TTC27: variants seen among roughly 807,000 people sequenced by gnomAD.
The protein encoded by TTC27 is tetratricopeptide repeat domain 27.
TTC27 carries 79 observed loss-of-function variants against 115.9 expected under a neutral mutation model. The ratio of observed to expected loss-of-function variants is 0.68; its 90% CI spans 0.57 to 0.82. TTC27 has a LOEUF of 0.82. TTC27 is among the 40% of genes least tolerant of loss of function. TTC27 has a pLI of 0.00. For synonymous variants in TTC27, 401 were observed against 356.0 expected (o/e 1.13, Z -1.42); for missense variants, 1,054 against 993.1 (o/e 1.06, Z -0.82).
intron 13 of TTC27, among the ~76,000 whole-genome samples, chr2:32,769,367 A>C (rs1411104928): frequency 6.6e-6 from 1 of 152,252 alleles, no homozygotes; most frequent in Admixed American, 6.5e-5. Flanking sequence ...GATGACATTC[A>C]AAAACAGATT....
intron 16 of TTC27, among the ~76,000 whole-genome samples, chr2:32,790,373 A>C (rs1670495299): frequency 6.6e-6 from 1 of 152,078 alleles, no homozygotes; most frequent in Non-Finnish European, 1.5e-5. Flanking sequence ...TTGTAATTGA[A>C]GAATGAGTAG....
chr2:32,738,743 G>A (rs1188482490), intron 12 of TTC27, among the ~76,000 whole-genome samples: 2 of 152,184 alleles, frequency 1.3e-5, no homozygotes, highest in African/African-American at 4.8e-5. Flanking sequence ...TAGTATTACT[G>A]AAATAAACAT....
In TTC27 at chr2:32,640,280, T is replaced by TG. The variant is rs1319092234; in HGVS notation, c.409dup (p.Asp137GlyfsTer13). The TG allele has an allele frequency of 6.2e-7, 1 of 1,613,688 alleles. No homozygotes were observed. The highest frequency in any genetic ancestry group is 2.2e-5 in the East Asian group (1 of 44,872). ...TAATCCTTTTTTCAGGTTAAAGGAC[T>TG]GGATGCATTTGTTCTGAGCCTGCTC... On this transcript the variant is annotated frameshift_variant, in exon 4 of 20. Coordinates refer to ENST00000317907, the MANE Select transcript of TTC27 (RefSeq NM_017735.5). LOFTEE classifies it high-confidence loss of function.
At chr2:32,753,198 TA>T (rs1217144832) in intron 12 of TTC27, among the ~76,000 whole-genome samples, 3 of 151,868 alleles carry the variant, frequency 2.0e-5, no homozygotes, top group African/African-American at 7.3e-5. Context: ...CTACAGGGAG[TA>T]GGACTACTTA....
At chr2:32,714,973 A>T (rs1667706382) in intron 10 of TTC27, among the ~76,000 whole-genome samples, 1 of 151,974 alleles carries the variant, frequency 6.6e-6, no homozygotes, top group African/African-American at 2.4e-5. Context: ...TAGATTATGG[A>T]TATCAGACCT....
intron 14 of TTC27, among the ~76,000 whole-genome samples, chr2:32,779,040 A>G (rs775012761): frequency 3.9e-5 from 6 of 152,228 alleles, no homozygotes; most frequent in Non-Finnish European, 5.9e-5. Context: ...CCTGGCCAAC[A>G]TGGTAAAACC....
In TTC27 at chr2:32,628,344, C is replaced by A. The variant is rs1345107352; in HGVS notation, c.52C>A (p.Arg18=). The A allele has an allele frequency of 1.2e-6, 2 of 1,607,358 alleles. No homozygotes were observed. The highest frequency in any genetic ancestry group is 1.7e-5 in the Admixed American group (1 of 58,774). The part of the protein sequence containing the change: ...ILRGFPTEAE[R]QQWKQEGVVG... The stretch of plus-strand genomic sequence containing the variant: ...GAGGGGATTCCCCACTGAGGCTGAG[C>A]GGCAGCAATGGAAACAGGAGGGGGT... Residue 18 remains arginine (R), a synonymous_variant, in exon 1 of 20, where the codon CGG becomes AGG. Transcript: ENST00000317907.
intron 16 of TTC27, among the ~76,000 whole-genome samples, chr2:32,794,576 A>C (rs1007014792): frequency 6.6e-6 from 1 of 152,156 alleles, no homozygotes; most frequent in Non-Finnish European, 1.5e-5. Flanking sequence ...GAAGAAAATA[A>C]GAATAAAGAT....
At chr2:32,723,129 A>G (rs1667980352) in intron 10 of TTC27, among the ~76,000 whole-genome samples, 2 of 152,224 alleles carry the variant, frequency 1.3e-5, no homozygotes, top group African/African-American at 4.8e-5. Context: ...AGTAAAATAT[A>G]TTCGCTTAAA....
At chr2:32,665,193 C>A (rs1282248308) in intron 6 of TTC27, among the ~76,000 whole-genome samples, 1 of 151,988 alleles carries the variant, frequency 6.6e-6, no homozygotes, top group African/African-American at 2.4e-5. Flanking sequence ...TAAAATCCTT[C>A]CAATATATTA....
At chr2:32,798,178 G>A (rs754190886) in intron 16 of TTC27, among the ~76,000 whole-genome samples, 15 of 151,152 alleles carry the variant, frequency 9.9e-5, no homozygotes, top group African/African-American at 3.2e-4. Flanking sequence ...AGGCCAAGGC[G>A]GGCAGATCAT....
At chr2:32,793,060 G>C (rs913820131) in intron 16 of TTC27, among the ~76,000 whole-genome samples, 8 of 152,166 alleles carry the variant, frequency 5.3e-5, no homozygotes, top group African/African-American at 1.9e-4. Context: ...ATCAAGATGT[G>C]GGTAAGGGAT....
intron 10 of TTC27, among the ~76,000 whole-genome samples, chr2:32,730,349 G>A (rs1668250433): frequency 6.6e-6 from 1 of 152,050 alleles, no homozygotes; most frequent in South Asian, 2.1e-4. Context: ...TTGCTTGCTG[G>A]GGATAGAACA....
chr2:32,658,044 G>C (rs1665396988), intron 5 of TTC27, among the ~76,000 whole-genome samples: 1 of 152,164 alleles, frequency 6.6e-6, no homozygotes, highest in Admixed American at 6.5e-5. Flanking sequence ...GGCCAGACTG[G>C]TCTCGATCTC....
chr2:32,799,173 C>CT (rs1670836618), intron 16 of TTC27, among the ~76,000 whole-genome samples: 1 of 152,114 alleles, frequency 6.6e-6, no homozygotes, highest in Non-Finnish European at 1.5e-5. Flanking sequence ...ACATGAAGTA[C>CT]TTAGAGTAGT....
chr2:32,783,043 G>T (rs982949756), intron 15 of TTC27, among the ~76,000 whole-genome samples: 2 of 151,986 alleles, frequency 1.3e-5, no homozygotes, highest in Non-Finnish European at 2.9e-5. Flanking sequence ...ACATTATTGA[G>T]AAATATAAAT....
At chr2:32,647,951 C>A (rs140913222) in intron 4 of TTC27, among the ~76,000 whole-genome samples, 1 of 152,224 alleles carries the variant, frequency 6.6e-6, no homozygotes, top group East Asian at 1.9e-4. Context: ...AATATAGTTA[C>A]AAATAATTTA....
chr2:32,684,230 C>T (rs997953635), intron 9 of TTC27, among the ~76,000 whole-genome samples: 15 of 152,038 alleles, frequency 9.9e-5, no homozygotes, highest in African/African-American at 3.6e-4. Context: ...CAATTTCATC[C>T]ATGTCCCTAC....
chr2:32,666,811 T>A, intron 7 of TTC27, 43 bp downstream of exon 7: 1 of 1,597,598 alleles, frequency 6.3e-7, no homozygotes, highest in Non-Finnish European at 8.5e-7. Context: ...AACACCTGAG[T>A]CTAAGAATTT....
Sources: allele counts gnomAD v4.1 joint callset (sites outside exome capture counted in the v4.1 genomes callset), GRCh38; gene constraint gnomAD v4.1.1; transcripts MANE v1.5; gene names NCBI Gene and HGNC (gene_info 2026-07-23, HGNC 2026-07-21).